SLC16A7: variants seen among roughly 807,000 people sequenced by gnomAD.
SLC16A7 encodes the protein monocarboxylate transporter 2.
SLC16A7 carries 33 observed loss-of-function variants against 34.9 expected under a neutral mutation model. That is an observed-to-expected ratio of 0.94 (90% CI 0.72 to 1.26). The LOEUF is 1.26. Ranked by LOEUF, SLC16A7 falls within the 50% of genes most tolerant of loss-of-function variation. The probability of loss-of-function intolerance (pLI) is 0.00; values close to 1 mark genes in which losing one functional copy is unlikely to be tolerated. For missense variants in SLC16A7, 573 were observed against 578.1 expected (o/e 0.99, Z 0.09); for synonymous variants, 201 against 206.6 (o/e 0.97, Z 0.23).
At chr12:59,611,503 A>C (rs1328690014) in intron 1 of SLC16A7, among the ~76,000 whole-genome samples, 4 of 152,226 alleles carry the variant, frequency 2.6e-5, no homozygotes, top group Non-Finnish European at 4.4e-5. Context: ...GGACACAGAC[A>C]AACCATATCA....
At chr12:59,673,298 G>T (rs1185162329) in intron 2 of SLC16A7, among the ~76,000 whole-genome samples, 1 of 152,084 alleles carries the variant, frequency 6.6e-6, no homozygotes, top group Non-Finnish European at 1.5e-5. Flanking sequence ...ATATTGAGCT[G>T]TTATTTTTGA....
At chr12:59,671,971 A>G (rs1189650373) in intron 2 of SLC16A7, among the ~76,000 whole-genome samples, 1 of 13,190 alleles carries the variant, frequency 7.6e-5, no homozygotes, top group Non-Finnish European at 1.6e-4. Context: ...ATGTGTATAT[A>G]TCCATATATC....
chr12:59,700,115 C>G (rs1872716227), intron 2 of SLC16A7, among the ~76,000 whole-genome samples: 1 of 151,720 alleles, frequency 6.6e-6, no homozygotes, highest in Non-Finnish European at 1.5e-5. Flanking sequence ...AGTTCAATGT[C>G]AGTGAATCAG....
chr12:59,617,623 G>C (rs139339494), intron 1 of SLC16A7, among the ~76,000 whole-genome samples: 1 of 151,964 alleles, frequency 6.6e-6, no homozygotes, highest in African/African-American at 2.4e-5. Flanking sequence ...CTCTGCGCTT[G>C]TTTTCATAAT....
chr12:59,777,958 C>T (rs1180123492), intron 5 of SLC16A7, among the ~76,000 whole-genome samples: 1 of 151,946 alleles, frequency 6.6e-6, no homozygotes, highest in Non-Finnish European at 1.5e-5. Flanking sequence ...CAGTTTCATC[C>T]ATGTCCCTAC....
chr12:59,723,120 G>T (rs1693600), intron 3 of SLC16A7, among the ~76,000 whole-genome samples: 18,621 of 151,722 alleles, frequency 0.12, 1,494 homozygotes, highest in African/African-American at 0.22. Flanking sequence ...GTTCATTGCT[G>T]TATTCCTAGA....
intron 1 of SLC16A7, among the ~76,000 whole-genome samples, chr12:59,612,524 G>C (rs11173102): frequency 0.12 from 18,723 of 152,162 alleles, 2,012 homozygotes; most frequent in East Asian, 0.63. Flanking sequence ...CATTGTCTTG[G>C]TGATTAACAT....
chr12:59,602,264 A>G (rs1306161882), intron 1 of SLC16A7, among the ~76,000 whole-genome samples: 1 of 152,182 alleles, frequency 6.6e-6, no homozygotes, highest in Non-Finnish European at 1.5e-5. Flanking sequence ...TTTAATAATC[A>G]GAGCATCATT....
At chr12:59,770,096 A>C (rs1439374329) in intron 3 of SLC16A7, among the ~76,000 whole-genome samples, 3 of 152,170 alleles carry the variant, frequency 2.0e-5, no homozygotes, top group Non-Finnish European at 4.4e-5. Flanking sequence ...CTTAACATTT[A>C]GAATTTTTAT....
intron 3 of SLC16A7, among the ~76,000 whole-genome samples, chr12:59,717,018 T>G (rs929901950): frequency 1.3e-5 from 2 of 152,174 alleles, no homozygotes; most frequent in Non-Finnish European, 1.5e-5. Context: ...GATAGGTGTT[T>G]TGGCAACGGC....
chr12:59,629,831 T>C (rs1880098734), intron 1 of SLC16A7, among the ~76,000 whole-genome samples: 1 of 151,940 alleles, frequency 6.6e-6, no homozygotes, highest in Non-Finnish European at 1.5e-5. Flanking sequence ...GATGCTATCA[T>C]GATGACTCCA....
intron 2 of SLC16A7, among the ~76,000 whole-genome samples, chr12:59,665,739 T>TTA (rs200094395): frequency 5.3e-5 from 8 of 151,198 alleles, no homozygotes; most frequent in African/African-American, 1.2e-4. Flanking sequence ...TTACAGGAAT[T>TTA]TATATATATA....
chr12:59,759,721 A>C (rs1029730583), intron 3 of SLC16A7, among the ~76,000 whole-genome samples: 3 of 152,032 alleles, frequency 2.0e-5, no homozygotes, highest in Non-Finnish European at 4.4e-5. Flanking sequence ...ATTTTATTTC[A>C]GAATGCTCTG....
intron 1 of SLC16A7, among the ~76,000 whole-genome samples, chr12:59,597,659 A>G (rs1878485546): frequency 6.6e-6 from 1 of 152,294 alleles, no homozygotes; most frequent in East Asian, 1.9e-4. Context: ...AGTGACTAAT[A>G]TTTAGCTCTG....
rs558088840 is a variant in SLC16A7 at position 59,608,360 on chromosome 12, G to A, written c.-130+12124G>A. Among the ~76,000 whole-genome samples, 48 of 152,266 alleles carry A rather than the reference G, an allele frequency of 3.2e-4. No individual in the cohort carries two copies. The South Asian group carries it at 7.7e-3, about 24-fold the overall frequency. On this transcript the variant is annotated intron_variant, in intron 1 of 5. Transcript: ENST00000547379. The stretch of plus-strand genomic sequence containing the variant: ...TGACAGCTTCCAGAAGAAAAAGAAA[G>A]AATCAATGCAACTTCATACCAGCTT...
At chr12:59,679,990 T>C (rs1313044981) in intron 2 of SLC16A7, among the ~76,000 whole-genome samples, 1 of 152,200 alleles carries the variant, frequency 6.6e-6, no homozygotes. Context: ...GTGGAACTTA[T>C]TCATGTTAAT....
chr12:59,757,001 C>G (rs1880433705), intron 3 of SLC16A7, among the ~76,000 whole-genome samples: 3 of 143,528 alleles, frequency 2.1e-5, no homozygotes. Context: ...TAAACTATCT[C>G]AAGAACAAAA....
intron 2 of SLC16A7, chr12:59,696,647 A>C (rs1420459861): frequency 1.3e-5 from 2 of 152,044 alleles, no homozygotes; most frequent in Non-Finnish European, 2.9e-5. Context: ...ATAGGAAAAA[A>C]AGGCATGAAG....
At chr12:59,645,684 A>G (rs949635868) in intron 1 of SLC16A7, among the ~76,000 whole-genome samples, 5 of 152,138 alleles carry the variant, frequency 3.3e-5, no homozygotes, top group Admixed American at 1.3e-4. Context: ...GGGTGCTGCT[A>G]TAAGGATACC....
Sources: allele counts gnomAD v4.1 joint callset (sites outside exome capture counted in the v4.1 genomes callset), GRCh38; gene constraint gnomAD v4.1.1; transcripts MANE v1.5; gene names NCBI Gene and HGNC (gene_info 2026-07-23, HGNC 2026-07-21).